Variants in ADAMTS12 observed in about 807,000 individuals in gnomAD.
The protein encoded by ADAMTS12 is ADAM metallopeptidase with thrombospondin type 1 motif 12, also known as A disintegrin and metalloproteinase with thrombospondin motifs 12.
ADAMTS12 carries 118 observed loss-of-function variants against 167.8 expected under a neutral mutation model. The observed-to-expected ratio is 0.70, with a 90% confidence interval of 0.61 to 0.82. The LOEUF (loss-of-function observed/expected upper bound fraction) is 0.82, where lower values mean the gene tolerates loss of function less well. Ranked by LOEUF, ADAMTS12 falls within the 40% of genes least tolerant of loss-of-function variation. The probability of loss-of-function intolerance (pLI) is 0.00; values close to 1 mark genes in which losing one functional copy is unlikely to be tolerated. For synonymous variants in ADAMTS12, 704 were observed against 716.9 expected, an observed-to-expected ratio of 0.98 and a Z score of 0.29; for missense variants, 1,916 against 1,998.8, an observed-to-expected ratio of 0.96 and a Z score of 0.79.
intron 2 of ADAMTS12, among the ~76,000 whole-genome samples, chr5:33,783,358 AAAGT>A (rs1197658324): frequency 1.3e-5 from 2 of 151,828 alleles, no homozygotes; most frequent in Non-Finnish European, 2.9e-5. Flanking sequence ...AATAAAATCT[AAAGT>A]AAGGAAAAAA....
intron 2 of ADAMTS12, among the ~76,000 whole-genome samples, chr5:33,801,518 G>T (rs966964331): frequency 8.5e-5 from 13 of 152,158 alleles, no homozygotes; most frequent in African/African-American, 3.1e-4. Context: ...TTATAACCAG[G>T]TTCCTCATTC....
intron 2 of ADAMTS12, among the ~76,000 whole-genome samples, chr5:33,799,866 A>G (rs1333796099): frequency 2.6e-5 from 4 of 152,174 alleles, no homozygotes; most frequent in Non-Finnish European, 5.9e-5. Context: ...GACATACACA[A>G]TCTTCTCCTC....
At chr5:33,698,487 G>A (rs1018641541) in intron 3 of ADAMTS12, among the ~76,000 whole-genome samples, 14 of 152,070 alleles carry the variant, frequency 9.2e-5, no homozygotes, top group African/African-American at 3.4e-4. Flanking sequence ...TGTCAAGGGG[G>A]AATGAGTGAC....
At chr5:33,768,590 G>A (rs1012194710) in intron 2 of ADAMTS12, among the ~76,000 whole-genome samples, 1 of 152,086 alleles carries the variant, frequency 6.6e-6, no homozygotes, top group Admixed American at 6.6e-5. Context: ...TATTCATCCT[G>A]TTTTATAGGA....
chr5:33,812,848 T>C (rs1480317343), intron 2 of ADAMTS12, among the ~76,000 whole-genome samples: 1 of 152,238 alleles, frequency 6.6e-6, no homozygotes, highest in African/African-American at 2.4e-5. Flanking sequence ...GTACATACTT[T>C]TGTCGCACAT....
Position 33,785,513 on chromosome 5 carries a change from G to A in ADAMTS12, c.490-33965C>T, listed in dbSNP as rs75925086. Among the ~76,000 whole-genome samples, 42 of 152,128 alleles carry A rather than the reference G, an allele frequency of 2.8e-4. No individual in the cohort carries two copies. In the East Asian group the frequency reaches 5.6e-3, roughly 20 times the overall value. On this transcript the variant is annotated intron_variant, in intron 2 of 23. Transcript: ENST00000504830. ...TATGCTCAAACTCAAGACAAACTAC[G>A]AAATGTGCAAAAGATTTGAATAGGC...
intron 3 of ADAMTS12, among the ~76,000 whole-genome samples, chr5:33,704,755 T>C (rs897941347): frequency 3.3e-5 from 5 of 152,200 alleles, no homozygotes; most frequent in Non-Finnish European, 7.3e-5. Flanking sequence ...AGATATGTGG[T>C]CTGCAAATAT....
intron 2 of ADAMTS12, among the ~76,000 whole-genome samples, chr5:33,764,179 G>C (rs1370694313): frequency 6.6e-6 from 1 of 152,164 alleles, no homozygotes; most frequent in African/African-American, 2.4e-5. Flanking sequence ...CCAGCGAGGA[G>C]AGACTACTTC....
At chr5:33,530,266 A>G (rs995909954) in intron 23 of ADAMTS12, among the ~76,000 whole-genome samples, 1 of 152,112 alleles carries the variant, frequency 6.6e-6, no homozygotes, top group Non-Finnish European at 1.5e-5. Context: ...TCAAAATTCA[A>G]CTTCAGAGAG....
intron 2 of ADAMTS12, among the ~76,000 whole-genome samples, chr5:33,880,535 G>A (rs1750391708): frequency 6.6e-6 from 1 of 152,162 alleles, no homozygotes. Context: ...AAAACAAGAG[G>A]CAGGCCAGAT....
At chr5:33,616,108 C>T in intron 14 of ADAMTS12, 36 bp from the exon 15 acceptor site, 1 of 1,607,768 alleles carries the variant, frequency 6.2e-7, no homozygotes, top group Non-Finnish European at 8.5e-7. Context: ...AAGAGGCACG[C>T]CAGCTTCTCA....
At chr5:33,583,565 C>T (rs756582554) in intron 18 of ADAMTS12, among the ~76,000 whole-genome samples, 11 of 152,178 alleles carry the variant, frequency 7.2e-5, no homozygotes, top group Non-Finnish European at 1.3e-4. Context: ...TGAGGAACCT[C>T]CAAACTGCTC....
chr5:33,582,538 AG>A (rs1183609394), intron 18 of ADAMTS12, among the ~76,000 whole-genome samples: 1 of 152,220 alleles, frequency 6.6e-6, no homozygotes, highest in African/African-American at 2.4e-5. Flanking sequence ...TTCTATCCCA[AG>A]AGCCAGAGAG....
intron 3 of ADAMTS12, among the ~76,000 whole-genome samples, chr5:33,727,378 C>T (rs1473273412): frequency 1.3e-5 from 2 of 152,200 alleles, no homozygotes; most frequent in Non-Finnish European, 2.9e-5. Flanking sequence ...TTTGCAGCTG[C>T]CTCTCCGATA....
chr5:33,653,668 T>A (rs996173005), intron 7 of ADAMTS12, among the ~76,000 whole-genome samples: 4 of 152,184 alleles, frequency 2.6e-5, no homozygotes, highest in African/African-American at 9.6e-5. Flanking sequence ...AGAAATCCAC[T>A]GTCACTCAAA....
chr5:33,655,045 T>A (rs1224512976), intron 7 of ADAMTS12, among the ~76,000 whole-genome samples: 2 of 152,122 alleles, frequency 1.3e-5, no homozygotes. Context: ...CATCTTTCAG[T>A]CTTCCTATGT....
chr5:33,584,246 A>C lies in ADAMTS12; in HGVS notation c.2865+4353T>G, dbSNP rs184938818. On this transcript the variant is annotated intron_variant, in intron 18 of 23. Coordinates refer to ENST00000504830, the MANE Select transcript of ADAMTS12 (RefSeq NM_030955.4). ...AAAAGTACTTAATAGATACATACAT[A>C]ATACATAGTAATAATACATACAAAA... Among the ~76,000 whole-genome samples, 30 of 152,348 alleles carry C rather than the reference A, an allele frequency of 2.0e-4. No individual in the cohort carries two copies. In the East Asian group the frequency reaches 5.6e-3, roughly 28 times the overall value.
chr5:33,864,759 T>C (rs1005456168), intron 2 of ADAMTS12, among the ~76,000 whole-genome samples: 1 of 152,176 alleles, frequency 6.6e-6, no homozygotes, highest in Non-Finnish European at 1.5e-5. Context: ...AAACACCGCA[T>C]GTTCTCACTC....
intron 3 of ADAMTS12, among the ~76,000 whole-genome samples, chr5:33,705,818 TAAC>T (rs1240168963): frequency 2.0e-5 from 3 of 149,532 alleles, no homozygotes; most frequent in South Asian, 2.1e-4. Context: ...CAAAAAATAA[TAAC>T]AATAATAATA....
Sources: gnomAD v4.1 joint callset for allele counts (sites outside exome capture counted in the v4.1 genomes callset) on GRCh38, gnomAD v4.1.1 for gene constraint, MANE v1.5 for transcripts, NCBI Gene and HGNC (gene_info 2026-07-23, HGNC 2026-07-21) for gene names.